Variants in BICC1 observed in about 807,000 individuals in gnomAD.
BICC1 encodes the protein protein bicaudal C homolog 1.
A neutral mutation model predicts 111.0 loss-of-function variants in BICC1; 43 were observed. That is an observed-to-expected ratio of 0.39 (90% CI 0.30 to 0.50). The LOEUF (loss-of-function observed/expected upper bound fraction) is 0.50, where lower values mean the gene tolerates loss of function less well. Ranked by LOEUF, BICC1 falls within the 20% of genes least tolerant of loss-of-function variation. The pLI is 0.88. For synonymous variants in BICC1, 467 were observed against 434.4 expected (o/e 1.07, Z -0.93); for missense variants, 1,091 against 1,203.2 (o/e 0.91, Z 1.38).
At chr10:58,696,659 G>C (rs1471721495) in intron 2 of BICC1, among the ~76,000 whole-genome samples, 1 of 152,164 alleles carries the variant, frequency 6.6e-6, no homozygotes, top group Non-Finnish European at 1.5e-5. Flanking sequence ...ACAGAGATTG[G>C]TAAAATTGAG....
At chr10:58,790,331 A>G (rs975449262) in intron 8 of BICC1, among the ~76,000 whole-genome samples, 16 of 152,266 alleles carry the variant, frequency 1.1e-4, no homozygotes, top group African/African-American at 3.8e-4. Flanking sequence ...TACTATTTAA[A>G]TTTCACCATC....
chr10:58,773,859 A>C (rs1842681929), intron 3 of BICC1, among the ~76,000 whole-genome samples: 1 of 152,198 alleles, frequency 6.6e-6, no homozygotes, highest in Non-Finnish European at 1.5e-5. Flanking sequence ...GCTTAATCAC[A>C]CCCTGAGAAT....
At chr10:58,615,532 A>C (rs1386378632) in intron 1 of BICC1, among the ~76,000 whole-genome samples, 1 of 152,184 alleles carries the variant, frequency 6.6e-6, no homozygotes, top group Non-Finnish European at 1.5e-5. Context: ...CTGACACTAC[A>C]TGCAGCTTGT....
At chr10:58,538,734 A>G (rs1842886603) in intron 1 of BICC1, among the ~76,000 whole-genome samples, 1 of 151,878 alleles carries the variant, frequency 6.6e-6, no homozygotes, top group South Asian at 2.1e-4. Context: ...CAAATCACTA[A>G]GAAAAAACAA....
intron 1 of BICC1, among the ~76,000 whole-genome samples, chr10:58,590,178 CTG>C (rs1844564562): frequency 6.6e-6 from 1 of 152,112 alleles, no homozygotes; most frequent in Non-Finnish European, 1.5e-5. Context: ...TTTGATGGGA[CTG>C]TTTTTATGAA....
At chr10:58,750,372 CATTG>C (rs1177854602) in intron 3 of BICC1, among the ~76,000 whole-genome samples, 1 of 151,972 alleles carries the variant, frequency 6.6e-6, no homozygotes, top group Non-Finnish European at 1.5e-5. Context: ...TCTAAAATGC[CATTG>C]ATTGTTAGAA....
intron 3 of BICC1, among the ~76,000 whole-genome samples, chr10:58,730,537 C>T (rs1841255720): frequency 6.6e-6 from 1 of 152,022 alleles, no homozygotes; most frequent in Non-Finnish European, 1.5e-5. Context: ...TGTGGGAGCC[C>T]CAACCCCACA....
chr10:58,588,068 A>G (rs1844485952), intron 1 of BICC1, among the ~76,000 whole-genome samples: 3 of 152,340 alleles, frequency 2.0e-5, no homozygotes, highest in South Asian at 4.1e-4. Flanking sequence ...AAAGTGGTTC[A>G]TGTACAGAAA....
chr10:58,599,586 A>G (rs543861156), intron 1 of BICC1, among the ~76,000 whole-genome samples: 2 of 152,266 alleles, frequency 1.3e-5, no homozygotes, highest in Admixed American at 1.3e-4. Context: ...CCACCATGGC[A>G]TGTGTATACC....
chr10:58,591,638 G>A (rs1844622366), intron 1 of BICC1, among the ~76,000 whole-genome samples: 1 of 152,184 alleles, frequency 6.6e-6, no homozygotes, highest in South Asian at 2.1e-4. Context: ...GGAGATACAG[G>A]CATTCAGACC....
intron 18 of BICC1, 45 bp downstream of exon 18, chr10:58,814,031 G>C: frequency 6.2e-7 from 1 of 1,606,856 alleles, no homozygotes; most frequent in Non-Finnish European, 8.5e-7. Flanking sequence ...CCCCAGATTA[G>C]AATGTGTTTA....
At chr10:58,714,019 T>A (rs1184413969) in intron 3 of BICC1, among the ~76,000 whole-genome samples, 1 of 152,194 alleles carries the variant, frequency 6.6e-6, no homozygotes, top group Non-Finnish European at 1.5e-5. Context: ...GAGAGGGTGC[T>A]ACTGGCATCT....
chr10:58,558,153 T>A (rs922344988), intron 1 of BICC1, among the ~76,000 whole-genome samples: 3 of 152,250 alleles, frequency 2.0e-5, no homozygotes, highest in Admixed American at 2.0e-4. Context: ...GAGGAGCTGT[T>A]CTAAAACTAT....
At chr10:58,773,957 A>G (rs1842683996) in intron 3 of BICC1, among the ~76,000 whole-genome samples, 1 of 152,212 alleles carries the variant, frequency 6.6e-6, no homozygotes, top group Admixed American at 6.5e-5. Flanking sequence ...CCCACTACCC[A>G]GATTGTCCTT....
At chr10:58,530,314 G>T (rs1470687103) in intron 1 of BICC1, among the ~76,000 whole-genome samples, 3 of 151,762 alleles carry the variant, frequency 2.0e-5, no homozygotes, top group Non-Finnish European at 2.9e-5. Flanking sequence ...TTCTGAGGAT[G>T]ACTACTACTT....
rs1237093797 is a variant in BICC1 at position 58,794,162 on chromosome 10, GTT to G, written c.1179+550_1179+551del. ...CAAGAGTTGATAAGGCTACTTACAT[GTT>G]TTGTGTGTGTGTGTGTGTGTGTGTG... On this transcript the variant is annotated intron_variant, in intron 9 of 20. Transcript: ENST00000373886. Among the ~76,000 whole-genome samples the G allele has an allele frequency of 4.5e-4, 59 of 130,916 alleles. 1 individual carries two copies. The highest frequency in any genetic ancestry group is 1.5e-3 in the African/African-American group (48 of 32,348). The allele number at this position is 130,916 out of a possible 152,430, so 85.9% of individuals were successfully genotyped here.
chr10:58,744,541 A>AT (rs941309240), intron 3 of BICC1, among the ~76,000 whole-genome samples: 47 of 152,048 alleles, frequency 3.1e-4, no homozygotes, highest in African/African-American at 9.4e-4. Context: ...ATTCATTAAT[A>AT]TTTTTTAATT....
chr10:58,749,203 C>T (rs571883747), intron 3 of BICC1, among the ~76,000 whole-genome samples: 35 of 152,148 alleles, frequency 2.3e-4, no homozygotes, highest in African/African-American at 7.7e-4. Flanking sequence ...CCATGGTATG[C>T]GTTAGATGCT....
Position 58,786,320 on chromosome 10 carries a change from C to G in BICC1, c.388-603C>G, listed in dbSNP as rs572537987. Among the ~76,000 whole-genome samples, 3 of 152,134 alleles carry G rather than the reference C, an allele frequency of 2.0e-5. No homozygotes were observed. The South Asian group carries it at 6.2e-4, about 32-fold the overall frequency. ...AATATAACTAATGTACTTTGAATTT[C>G]TTTATTTAAGCCATTTTGTGACCAG... On this transcript the variant is annotated intron_variant, in intron 4 of 20. Transcript: ENST00000373886.
Sources: gnomAD v4.1 joint callset for allele counts (sites outside exome capture counted in the v4.1 genomes callset) on GRCh38, gnomAD v4.1.1 for gene constraint, MANE v1.5 for transcripts, NCBI Gene and HGNC (gene_info 2026-07-23, HGNC 2026-07-21) for gene names.